The following SGMS1 variants were observed in gnomAD, a reference collection of about 807,000 sequenced individuals.
SGMS1 encodes phosphatidylcholine:ceramide cholinephosphotransferase 1.
A neutral mutation model predicts 46.2 loss-of-function variants in SGMS1; 13 were observed. The ratio of observed to expected loss-of-function variants is 0.28; its 90% CI spans 0.18 to 0.45. SGMS1 has a LOEUF of 0.45. Among genes scored for constraint, SGMS1 ranks in the 20% least tolerant of loss-of-function variants. The pLI is 1.00. For synonymous variants in SGMS1, 203 were observed against 187.8 expected (o/e 1.08, Z -0.66); for missense variants, 324 against 519.9 (o/e 0.62, Z 3.66).
chr10:50,481,497 A>T (rs189007767), intron 3 of SGMS1, among the ~76,000 whole-genome samples: 35 of 152,174 alleles, frequency 2.3e-4, no homozygotes, highest in Admixed American at 2.0e-4. Context: ...CAACAACAAC[A>T]TCAACAAAAA....
At chr10:50,322,122 A>C (rs1245298952) in intron 8 of SGMS1, among the ~76,000 whole-genome samples, 1 of 152,168 alleles carries the variant, frequency 6.6e-6, no homozygotes. Flanking sequence ...GCAAAAATTA[A>C]AACAAAACAA....
At chr10:50,548,607 C>T (rs751793008) in intron 2 of SGMS1, among the ~76,000 whole-genome samples, 4 of 152,110 alleles carry the variant, frequency 2.6e-5, no homozygotes. Flanking sequence ...TATAAAATCC[C>T]TAGAAGAAAG....
At chr10:50,379,898 G>A (rs11005415) in intron 6 of SGMS1, among the ~76,000 whole-genome samples, 29,492 of 152,070 alleles carry the variant, frequency 0.19, 3,155 homozygotes, top group East Asian at 0.31. Context: ...AAAAACAGAA[G>A]AGAACAGAGC....
At chr10:50,420,250 C>A (rs1432214027) in intron 6 of SGMS1, among the ~76,000 whole-genome samples, 1 of 152,232 alleles carries the variant, frequency 6.6e-6, no homozygotes, top group Non-Finnish European at 1.5e-5. Context: ...ATTCTGGAAT[C>A]ATCTGAGCTC....
intron 2 of SGMS1, among the ~76,000 whole-genome samples, chr10:50,551,095 G>C (rs1283709943): frequency 6.6e-6 from 1 of 151,966 alleles, no homozygotes; most frequent in African/African-American, 2.4e-5. Context: ...CCTTCCAAAG[G>C]GCACAGTATG....
intron 6 of SGMS1, among the ~76,000 whole-genome samples, chr10:50,350,804 A>G (rs1301437822): frequency 1.3e-5 from 2 of 152,342 alleles, no homozygotes; most frequent in East Asian, 3.9e-4. Context: ...TGCCCAGGAA[A>G]AAGTTTGCTG....
intron 3 of SGMS1, among the ~76,000 whole-genome samples, chr10:50,496,520 C>T (rs1265842656): frequency 1.3e-5 from 2 of 152,134 alleles, no homozygotes; most frequent in Non-Finnish European, 2.9e-5. Flanking sequence ...CTAGTAAATG[C>T]CCCATTTGTC....
chr10:50,453,192 A>G (rs1162542156), intron 5 of SGMS1, among the ~76,000 whole-genome samples: 5 of 152,188 alleles, frequency 3.3e-5, no homozygotes, highest in South Asian at 2.1e-4. Flanking sequence ...AATTATCAGC[A>G]TAAAATAAGT....
At chr10:50,428,841 G>T (rs1305764118) in intron 6 of SGMS1, among the ~76,000 whole-genome samples, 1 of 152,088 alleles carries the variant, frequency 6.6e-6, no homozygotes, top group East Asian at 1.9e-4. Context: ...TTTAGGAAAA[G>T]GTTACATCCT....
chr10:50,344,243 T>C lies in SGMS1; in HGVS notation c.-129A>G. On this transcript the variant is annotated 5_prime_UTR_variant, in exon 7 of 11. Coordinates refer to ENST00000361781, the MANE Select transcript of SGMS1 (RefSeq NM_147156.4). ...GGGGCCTCATGAGCAGAGACTTGTT[T>C]GGCAAGATGGTCAGGGCAGTTTTTA... 1.5e-6 allele frequency: 2 copies of C among 1,293,304 alleles called. No individual in the cohort carries two copies. The highest frequency in any genetic ancestry group is 1.6e-5 in the South Asian group (1 of 63,138). 80.1% of individuals were successfully genotyped at this position (1,293,304 alleles called of 1,614,324 possible).
At chr10:50,431,934 C>T (rs1471078556) in intron 6 of SGMS1, among the ~76,000 whole-genome samples, 1 of 152,178 alleles carries the variant, frequency 6.6e-6, no homozygotes, top group East Asian at 1.9e-4. Flanking sequence ...GCTGAGTCAA[C>T]AACTCAAGAA....
At chr10:50,597,530 A>C (rs1328020774) in intron 1 of SGMS1, among the ~76,000 whole-genome samples, 1 of 152,246 alleles carries the variant, frequency 6.6e-6, no homozygotes, top group Non-Finnish European at 1.5e-5. Flanking sequence ...AAGTCTGTAT[A>C]ATCCCACTTA....
intron 6 of SGMS1, among the ~76,000 whole-genome samples, chr10:50,372,422 C>T (rs73330964): frequency 0.01 from 1,557 of 152,226 alleles, 25 homozygotes; most frequent in African/African-American, 0.036. Context: ...GCCGGGCACA[C>T]GGTGGCTCAC....
intron 6 of SGMS1, among the ~76,000 whole-genome samples, chr10:50,346,759 G>A (rs551358191): frequency 1.7e-4 from 26 of 152,086 alleles, no homozygotes; most frequent in African/African-American, 6.0e-4. Context: ...GGAGTGCTGT[G>A]GTGCAATCAT....
At chr10:50,404,674 C>T (rs1161057906) in intron 6 of SGMS1, among the ~76,000 whole-genome samples, 1 of 152,128 alleles carries the variant, frequency 6.6e-6, no homozygotes, top group East Asian at 1.9e-4. Context: ...AATGTATTTT[C>T]CCACTGATGT....
intron 6 of SGMS1, among the ~76,000 whole-genome samples, chr10:50,384,334 T>C (rs1044311542): frequency 5.3e-5 from 8 of 152,138 alleles, no homozygotes; most frequent in Admixed American, 2.6e-4. Context: ...AATATCAACC[T>C]CAGATAGATT....
At chr10:50,598,119 T>G (rs1488465625) in intron 1 of SGMS1, among the ~76,000 whole-genome samples, 3 of 148,700 alleles carry the variant, frequency 2.0e-5, no homozygotes, top group African/African-American at 7.4e-5. Flanking sequence ...GAAACCCTAG[T>G]CCCCAGTGTG....
upstream of SGMS1, chr10:50,624,934 C>T (rs1279271244): frequency 2.9e-6 from 3 of 1,016,954 alleles, no homozygotes; most frequent in East Asian, 1.1e-4. Flanking sequence ...TGACTGTCCG[C>T]GGCGCTCCGG....
At chr10:50,401,065 T>C (rs1201980694) in intron 6 of SGMS1, among the ~76,000 whole-genome samples, 1 of 152,168 alleles carries the variant, frequency 6.6e-6, no homozygotes, top group African/African-American at 2.4e-5. Context: ...GGCCTCATCT[T>C]GAGACATACG....
Sources: allele counts gnomAD v4.1 joint callset (sites outside exome capture counted in the v4.1 genomes callset), GRCh38; gene constraint gnomAD v4.1.1; transcripts MANE v1.5; gene names NCBI Gene and HGNC (gene_info 2026-07-23, HGNC 2026-07-21).